Variants in PCDHGA5 observed in about 807,000 individuals in gnomAD.
PCDHGA5 encodes protocadherin gamma-A5.
In PCDHGA5, 36 loss-of-function variants were observed where a neutral mutation model predicts 56.7. That is an observed-to-expected ratio of 0.64 (90% CI 0.49 to 0.84). PCDHGA5 has a LOEUF of 0.84. Ranked by LOEUF, PCDHGA5 falls within the 40% of genes least tolerant of loss-of-function variation. The pLI, the probability that PCDHGA5 is intolerant of heterozygous loss-of-function variation, is 0.00. For missense variants in PCDHGA5, 1,305 were observed against 1,201.5 expected, an observed-to-expected ratio of 1.09 and a Z score of -1.27; for synonymous variants, 563 against 520.2, an observed-to-expected ratio of 1.08 and a Z score of -1.12.
At chr5:141,384,599 T>A (rs772846090) in intron 1 of PCDHGA5, 4 of 1,614,132 alleles carry the variant, frequency 2.5e-6, no homozygotes, top group Non-Finnish European at 2.5e-6. Flanking sequence ...TACCCGGCCC[T>A]CCCCACAGAT....
chr5:141,399,055 G>A (rs372997829), intron 1 of PCDHGA5: 3 of 1,613,726 alleles, frequency 1.9e-6, no homozygotes, highest in African/African-American at 2.7e-5. Context: ...AGAGACCAAG[G>A]AATATTCAAT....
chr5:141,503,598 CAAAAA>C (rs765754054), intron 2 of PCDHGA5, among the ~76,000 whole-genome samples: 1 of 65,760 alleles, frequency 1.5e-5, no homozygotes, highest in African/African-American at 4.7e-5. Context: ...GACTCCAGCT[CAAAAA>C]AAAAAAAAAA....
chr5:141,423,832 T>G, intron 1 of PCDHGA5: 113 of 1,253,376 alleles, frequency 9.0e-5, no homozygotes, highest in East Asian at 2.6e-4. Context: ...TTTCATGAGA[T>G]TACGATAATC....
intron 2 of PCDHGA5, among the ~76,000 whole-genome samples, chr5:141,504,750 A>C (rs921495017): frequency 6.6e-6 from 1 of 151,894 alleles, no homozygotes; most frequent in Admixed American, 6.5e-5. Context: ...ATTGAATTTT[A>C]GAAATTTCTT....
intron 1 of PCDHGA5, chr5:141,478,633 T>C: frequency 6.4e-7 from 1 of 1,553,032 alleles, no homozygotes; most frequent in Non-Finnish European, 8.7e-7. Context: ...GTTTTTTTAG[T>C]GATGAAGATG....
intron 1 of PCDHGA5, chr5:141,375,579 C>A: frequency 6.2e-7 from 1 of 1,614,114 alleles, no homozygotes; most frequent in Non-Finnish European, 8.5e-7. Flanking sequence ...CTCCAGGGGG[C>A]GCCCCTGTCC....
At chr5:141,474,002 G>A (rs1020912365) in intron 1 of PCDHGA5, among the ~76,000 whole-genome samples, 5 of 152,078 alleles carry the variant, frequency 3.3e-5, no homozygotes, top group Non-Finnish European at 5.9e-5. Context: ...CCAAGGAGCT[G>A]GAAGTTACAG....
intron 1 of PCDHGA5, among the ~76,000 whole-genome samples, chr5:141,381,834 T>TTCTTC (rs1561589417): frequency 7.1e-6 from 1 of 140,214 alleles, no homozygotes; most frequent in African/African-American, 2.7e-5. Flanking sequence ...TTCTTTTTTT[T>TTCTTC]TTTTTTTTTT....
In PCDHGA5 at chr5:141,404,090, G is replaced by T. The variant is rs1014506897; in HGVS notation, c.2421+37339G>T. On this transcript the variant is annotated intron_variant, in intron 1 of 3. Transcript: ENST00000518069. ...TCATGACCGAGACTCCGGGAAGAATGGTCAAGTTGTCTGTTCTATCCAGGA... is the reference window on the plus strand; with the variant it reads ...TCATGACCGAGACTCCGGGAAGAATTGTCAAGTTGTCTGTTCTATCCAGGA... 4 of 1,613,262 alleles carry T rather than the reference G, an allele frequency of 2.5e-6. No homozygotes were observed. In the Admixed American group the frequency reaches 6.7e-5, roughly 27 times the overall value.
chr5:141,366,631 C>T lies in PCDHGA5; in HGVS notation c.2301C>T (p.His767=), dbSNP rs1330710940. The T allele has an allele frequency of 3.7e-6, 6 of 1,614,138 alleles. No homozygotes were observed. Among genetic ancestry groups the T allele is most frequent in the Non-Finnish European group, 5.1e-6 (6 of 1,180,054 alleles). The change falls in exon 1 of 4, where the codon CAC becomes CAT. Residue 767 remains histidine (H), a synonymous_variant. Coordinates refer to ENST00000518069, the MANE Select transcript of PCDHGA5 (RefSeq NM_018918.3). ...TCACCGCGGACTCGAGGAAGAGTCA[C>T]CTGATCTTTCCCCAGCCCAACTACG... ...VSLTADSRKS[H]LIFPQPNYAD...
chr5:141,456,327 G>C (rs917430790), intron 1 of PCDHGA5, among the ~76,000 whole-genome samples: 1 of 152,186 alleles, frequency 6.6e-6, no homozygotes, highest in African/African-American at 2.4e-5. Flanking sequence ...TCCTGGGGTT[G>C]ATCTAAGGGT....
chr5:141,463,644 G>C (rs1356692609), intron 1 of PCDHGA5, among the ~76,000 whole-genome samples: 1 of 151,596 alleles, frequency 6.6e-6, no homozygotes, highest in Non-Finnish European at 1.5e-5. Context: ...GTAGAGACGG[G>C]GTTTCACCGT....
intron 1 of PCDHGA5, among the ~76,000 whole-genome samples, chr5:141,455,959 G>T (rs112864392): frequency 0.11 from 16,680 of 150,504 alleles, 1,459 homozygotes; most frequent in African/African-American, 0.24. Context: ...GTGCAGTGGC[G>T]CGATCTCAGC....
At chr5:141,404,616 A>G (rs940307932) in intron 1 of PCDHGA5, 3 of 1,614,168 alleles carry the variant, frequency 1.9e-6, no homozygotes, top group Non-Finnish European at 2.5e-6. Flanking sequence ...GTTTTGGACC[A>G]GAATGACAAT....
chr5:141,414,588 G>A, intron 1 of PCDHGA5: 1 of 1,613,872 alleles, frequency 6.2e-7, no homozygotes, highest in Non-Finnish European at 8.5e-7. Flanking sequence ...ACAACGCCAG[G>A]GGTGCCTCCA....
intron 1 of PCDHGA5, among the ~76,000 whole-genome samples, chr5:141,461,983 C>T (rs1390320490): frequency 6.6e-6 from 1 of 152,192 alleles, no homozygotes. Flanking sequence ...GCCACCACGC[C>T]AGGCTAATTT....
At chr5:141,372,341 A>T in intron 1 of PCDHGA5, 1 of 1,613,800 alleles carries the variant, frequency 6.2e-7, no homozygotes, top group Non-Finnish European at 8.5e-7. Context: ...TGCGTGATGG[A>T]GGACAGCAGC....
At position 141,383,863 on chromosome 5, in the gene PCDHGA5, C is replaced by G. The variant is rs768251798; in HGVS notation, c.2421+17112C>G. ...CTTCTATGAAATGGAGGTTCAGGCT[C>G]AAGATGGTCCTGGTAGTCTGACAAA... On this transcript the variant is annotated intron_variant, in intron 1 of 3. Coordinates refer to ENST00000518069, the MANE Select transcript of PCDHGA5 (RefSeq NM_018918.3). 4.3e-6 allele frequency: 7 copies of G among 1,613,772 alleles called. No homozygotes were observed. Among genetic ancestry groups the G allele is most frequent in the African/African-American group, 2.7e-5 (2 of 74,914 alleles).
intron 1 of PCDHGA5, chr5:141,423,616 G>A: frequency 6.2e-7 from 1 of 1,609,594 alleles, no homozygotes; most frequent in Admixed American, 1.7e-5. Context: ...GATAGCTGAA[G>A]ACTCAGCTAT....
Sources: allele counts gnomAD v4.1 joint callset (sites outside exome capture counted in the v4.1 genomes callset), GRCh38; gene constraint gnomAD v4.1.1; transcripts MANE v1.5; gene names NCBI Gene and HGNC (gene_info 2026-07-23, HGNC 2026-07-21).